The following OPCML variants were observed in gnomAD, a reference collection of about 807,000 sequenced individuals.
The protein encoded by OPCML is opioid-binding protein/cell adhesion molecule.
A neutral mutation model predicts 37.8 loss-of-function variants in OPCML; 13 were observed. The ratio of observed to expected loss-of-function variants is 0.34; its 90% CI spans 0.22 to 0.55. The LOEUF (loss-of-function observed/expected upper bound fraction) is 0.55, where lower values mean the gene tolerates loss of function less well. OPCML is among the 20% of genes least tolerant of loss of function. The pLI is 0.91. For synonymous variants in OPCML, 176 were observed against 168.8 expected, an observed-to-expected ratio of 1.04 and a Z score of -0.33; for missense variants, 341 against 435.6, an observed-to-expected ratio of 0.78 and a Z score of 1.93.
intron 1 of OPCML, among the ~76,000 whole-genome samples, chr11:133,217,817 C>T (rs1939648343): frequency 2.0e-5 from 3 of 152,190 alleles, no homozygotes; most frequent in Non-Finnish European, 4.4e-5. Context: ...CTATGGGATG[C>T]CAAGTCTGGA....
chr11:133,415,013 A>G (rs1945730011), intron 1 of OPCML, among the ~76,000 whole-genome samples: 1 of 152,190 alleles, frequency 6.6e-6, no homozygotes, highest in South Asian at 2.1e-4. Flanking sequence ...CAAGACAACA[A>G]GAATTGGCAT....
At chr11:133,462,245 G>A (rs1040103364) in intron 1 of OPCML, among the ~76,000 whole-genome samples, 7 of 151,888 alleles carry the variant, frequency 4.6e-5, no homozygotes, top group African/African-American at 1.7e-4. Flanking sequence ...AATCTTAGAG[G>A]AAAACATGAA....
chr11:133,266,739 G>A (rs1348637494), intron 1 of OPCML, among the ~76,000 whole-genome samples: 5 of 152,190 alleles, frequency 3.3e-5, no homozygotes, highest in Admixed American at 6.5e-5. Context: ...AGGATGGGTT[G>A]AGTATAAAGT....
At chr11:132,432,340 A>G (rs972278190) in intron 7 of OPCML, among the ~76,000 whole-genome samples, 2 of 152,214 alleles carry the variant, frequency 1.3e-5, no homozygotes, top group African/African-American at 4.8e-5. Context: ...ATCCCTGGCC[A>G]GGAGAAAGAG....
chr11:132,822,408 C>T (rs1043500710), intron 2 of OPCML, among the ~76,000 whole-genome samples: 3 of 152,280 alleles, frequency 2.0e-5, no homozygotes, highest in Admixed American at 6.5e-5. Context: ...GGTGACATTC[C>T]CCTGAGAAAC....
Position 133,267,016 on chromosome 11 carries a change from C to G in OPCML, c.61+265248G>C, listed in dbSNP as rs566244843. The stretch of plus-strand genomic sequence containing the variant: ...CTTCAAGATACATCTCCTATGTTGT[C>G]TATCTTAAAGCAGAAGTATGATTCG... On this transcript the variant is annotated intron_variant, in intron 1 of 7. Coordinates refer to ENST00000524381, the MANE Select transcript of OPCML (RefSeq NM_001012393.5). Among the ~76,000 whole-genome samples, 9 of 152,262 alleles carry G rather than the reference C, an allele frequency of 5.9e-5. No homozygotes were observed. The South Asian group carries it at 1.5e-3, about 25-fold the overall frequency.
chr11:133,419,151 C>T (rs1359575777), intron 1 of OPCML: 1 of 686,708 alleles, frequency 1.5e-6, no homozygotes, highest in Admixed American at 6.3e-5. Context: ...TAATAAAACT[C>T]CTTCTCTACT....
intron 1 of OPCML, among the ~76,000 whole-genome samples, chr11:133,519,995 A>C (rs2120691671): frequency 6.6e-6 from 1 of 152,276 alleles, no homozygotes; most frequent in Non-Finnish European, 1.5e-5. Flanking sequence ...TGCCCATACA[A>C]AGTGAGGCTC....
At chr11:133,061,524 G>T (rs761367728) in intron 1 of OPCML, among the ~76,000 whole-genome samples, 1 of 152,194 alleles carries the variant, frequency 6.6e-6, no homozygotes, top group Non-Finnish European at 1.5e-5. Context: ...CTTGAAATGA[G>T]TGTTCCAATT....
At chr11:133,324,954 T>C (rs189331317) in intron 1 of OPCML, among the ~76,000 whole-genome samples, 1 of 152,310 alleles carries the variant, frequency 6.6e-6, no homozygotes, top group East Asian at 1.9e-4. Context: ...TTATATACTC[T>C]CCATCTGTAC....
At chr11:133,039,650 C>T (rs1947848583) in intron 1 of OPCML, among the ~76,000 whole-genome samples, 1 of 152,168 alleles carries the variant, frequency 6.6e-6, no homozygotes, top group Non-Finnish European at 1.5e-5. Context: ...TCATGAATCC[C>T]AGTGGCCTCA....
At chr11:132,801,024 G>A (rs1372641572) in intron 2 of OPCML, among the ~76,000 whole-genome samples, 1 of 152,066 alleles carries the variant, frequency 6.6e-6, no homozygotes. Context: ...CCGGGGCATG[G>A]GCTTTTCCCT....
In OPCML at chr11:133,208,236, G is replaced by A. The variant is rs968994364; in HGVS notation, c.62-265226C>T. Among the ~76,000 whole-genome samples, 2 of 152,106 alleles carry A rather than the reference G, an allele frequency of 1.3e-5. No homozygotes were observed. The highest frequency in any genetic ancestry group is 4.8e-5 in the African/African-American group (2 of 41,410). The stretch of plus-strand genomic sequence containing the variant: ...CATTTAGCTTATTGCTTAGCACATT[G>A]TATTACATTGCATTGCACTGTATTG... On this transcript the variant is annotated intron_variant, in intron 1 of 7. Transcript: ENST00000524381. The surrounding 1 kb of genome is among the most constrained non-coding windows in gnomAD (Gnocchi z 8.9).
chr11:133,311,877 G>A (rs1388281609), intron 1 of OPCML, among the ~76,000 whole-genome samples: 3 of 152,174 alleles, frequency 2.0e-5, no homozygotes, highest in Admixed American at 6.5e-5. Context: ...TGACAGAAGT[G>A]TCACAGTGCT....
chr11:133,437,680 C>G (rs1946267774), intron 1 of OPCML, among the ~76,000 whole-genome samples: 1 of 146,296 alleles, frequency 6.8e-6, no homozygotes, highest in Non-Finnish European at 1.5e-5. Context: ...CCCCGCTCAC[C>G]TCTCCCCTCT....
intron 2 of OPCML, among the ~76,000 whole-genome samples, chr11:132,878,525 C>T (rs1943107542): frequency 1.3e-5 from 2 of 152,192 alleles, no homozygotes. Context: ...ACCAGTGGCT[C>T]TCCTGGGTCT....
At chr11:132,436,364 G>A (rs2096013094) in intron 6 of OPCML, 127 bp from the exon 7 acceptor site, 2 of 1,567,198 alleles carry the variant, frequency 1.3e-6, no homozygotes, top group Non-Finnish European at 1.7e-6. Flanking sequence ...CCAACAGGAG[G>A]AGAAGGGAAA....
intron 1 of OPCML, among the ~76,000 whole-genome samples, chr11:133,280,383 C>T (rs1033307549): frequency 1.4e-4 from 21 of 152,168 alleles, no homozygotes; most frequent in African/African-American, 4.6e-4. Context: ...TATTCTTCAC[C>T]TCTGGCAGGG....
chr11:132,709,132 C>T (rs1944157943), intron 2 of OPCML, among the ~76,000 whole-genome samples: 1 of 152,308 alleles, frequency 6.6e-6, no homozygotes, highest in South Asian at 2.1e-4. Context: ...TAATGCATAG[C>T]AGATAACCCG....
Sources: gnomAD v4.1 joint callset for allele counts (sites outside exome capture counted in the v4.1 genomes callset) on GRCh38, gnomAD v4.1.1 for gene constraint, Gnocchi (gnomAD v3.1) non-coding constraint, MANE v1.5 for transcripts, NCBI Gene and HGNC (gene_info 2026-07-23, HGNC 2026-07-21) for gene names.